The following MACROD2 variants were observed in gnomAD, a reference collection of about 807,000 sequenced individuals.
MACROD2 encodes mono-ADP ribosylhydrolase 2, also known as ADP-ribose glycohydrolase MACROD2.
In MACROD2, 36 loss-of-function variants were observed where a neutral mutation model predicts 70.4. The ratio of observed to expected loss-of-function variants is 0.51; its 90% confidence interval spans 0.39 to 0.68. The LOEUF (loss-of-function observed/expected upper bound fraction) is 0.68. Ranked by LOEUF, MACROD2 falls within the 30% of genes least tolerant of loss-of-function variation. MACROD2 has a pLI of 0.00. For synonymous variants in MACROD2, 172 were observed against 178.8 expected, an observed-to-expected ratio of 0.96 and a Z score of 0.30; for missense variants, 496 against 538.4, an observed-to-expected ratio of 0.92 and a Z score of 0.78.
Position 14,608,106 on chromosome 20 carries a change from A to T in MACROD2, c.302-76737A>T, listed in dbSNP as rs185976687. Reference sequence around the variant, plus strand: ...CGTCTCTACTAAAAATACAAAAAAAATTAGCTGGGTATAGTGGCAGGCACC... The same window carrying T: ...CGTCTCTACTAAAAATACAAAAAAATTTAGCTGGGTATAGTGGCAGGCACC... On this transcript the variant is annotated intron_variant, in intron 4 of 17. Coordinates refer to ENST00000684519, the MANE Select transcript of MACROD2 (RefSeq NM_001351661.2). 4.8e-3 allele frequency among the ~76,000 whole-genome samples: 732 copies of T among 152,088 alleles called. 4 individuals carry two copies. The highest frequency in any genetic ancestry group is 8.1e-3 in the Non-Finnish European group (550 of 67,978).
intron 6 of MACROD2, among the ~76,000 whole-genome samples, chr20:15,234,010 TTC>T (rs1488314935): frequency 8.2e-4 from 35 of 42,466 alleles, no homozygotes; most frequent in Non-Finnish European, 1.2e-3. Context: ...TATATATATA[TTC>T]TTTTTTTTTT....
intron 5 of MACROD2, among the ~76,000 whole-genome samples, chr20:15,043,665 A>G (rs904959072): frequency 3.3e-5 from 5 of 151,996 alleles, no homozygotes; most frequent in Admixed American, 2.6e-4. Flanking sequence ...AGCTCTTTTC[A>G]TTCACTGTGC....
chr20:14,192,024 T>C (rs1322111952), intron 3 of MACROD2, among the ~76,000 whole-genome samples: 7 of 152,112 alleles, frequency 4.6e-5, no homozygotes, highest in Admixed American at 4.6e-4. Flanking sequence ...TTGATTAAGC[T>C]ATTGGTTGTA....
intron 6 of MACROD2, among the ~76,000 whole-genome samples, chr20:15,280,099 T>C (rs1424756079): frequency 6.6e-6 from 1 of 152,228 alleles, no homozygotes; most frequent in Non-Finnish European, 1.5e-5. Context: ...ATAAAATGTG[T>C]CAGTGTTAAC....
chr20:15,273,951 A>G (rs150181906), intron 6 of MACROD2, among the ~76,000 whole-genome samples: 269 of 152,334 alleles, frequency 1.8e-3, no homozygotes, highest in African/African-American at 6.2e-3. Flanking sequence ...AGTACTTATC[A>G]CAGTGGTTTG....
chr20:14,654,715 G>C (rs1316078837), intron 4 of MACROD2, among the ~76,000 whole-genome samples: 1 of 152,060 alleles, frequency 6.6e-6, no homozygotes, highest in Non-Finnish European at 1.5e-5. Flanking sequence ...AAAAATAAAA[G>C]CAGAATTTTA....
At chr20:14,238,820 A>G (rs1215434657) in intron 3 of MACROD2, among the ~76,000 whole-genome samples, 1 of 151,958 alleles carries the variant, frequency 6.6e-6, no homozygotes, top group African/African-American at 2.4e-5. Flanking sequence ...TTAGGTCAGG[A>G]GTTCAAGACC....
rs1311404207 is a variant in MACROD2, at chr20:14,186,017, A to G, written c.271+100289A>G. On this transcript the variant is annotated intron_variant, in intron 3 of 17. Transcript: ENST00000684519. ...CAAGCCTAGTACATAGGCATGTGCT[A>G]TCTTCTTACCAGCCTTTCTTCCCCA... 3.3e-5 allele frequency among the ~76,000 whole-genome samples: 5 copies of G among 152,148 alleles called. No individual in the cohort carries two copies. In the East Asian group the frequency reaches 5.8e-4, roughly 18 times the overall value.
chr20:14,075,990 T>C (rs1054704408), intron 2 of MACROD2, among the ~76,000 whole-genome samples: 2 of 152,028 alleles, frequency 1.3e-5, no homozygotes, highest in African/African-American at 2.4e-5. Context: ...ATAAATATTA[T>C]TAAAAAACAT....
intron 5 of MACROD2, among the ~76,000 whole-genome samples, chr20:14,783,442 G>A (rs779128982): frequency 1.3e-5 from 2 of 152,080 alleles, no homozygotes; most frequent in Non-Finnish European, 2.9e-5. Flanking sequence ...TCTCTGCTCA[G>A]CATAACTTAT....
rs138246558 is a variant in MACROD2, at chr20:15,090,129, C to A, written c.419-139811C>A. 2.6e-5 allele frequency among the ~76,000 whole-genome samples: 4 copies of A among 151,968 alleles called. No homozygotes were observed. The East Asian group carries it at 7.7e-4, about 29-fold the overall frequency. ...AGGAGATGATATTTATGTATAAATT[C>A]TCAAAGATATATGTTGACCTGCTAC... On this transcript the variant is annotated intron_variant, in intron 5 of 17. Coordinates refer to ENST00000684519, the MANE Select transcript of MACROD2 (RefSeq NM_001351661.2).
At chr20:14,686,974 T>G (rs542727202) in intron 5 of MACROD2, among the ~76,000 whole-genome samples, 1 of 152,246 alleles carries the variant, frequency 6.6e-6, no homozygotes, top group Admixed American at 6.5e-5. Context: ...GCAGTTCTCT[T>G]TGTAACTCAG....
At chr20:14,865,502 A>G (rs1427503578) in intron 5 of MACROD2, among the ~76,000 whole-genome samples, 2 of 151,862 alleles carry the variant, frequency 1.3e-5, no homozygotes, top group African/African-American at 2.4e-5. Context: ...TGAAATTTCC[A>G]TTTAAATACC....
At chr20:15,324,328 T>G (rs1300541125) in intron 6 of MACROD2, among the ~76,000 whole-genome samples, 2 of 152,154 alleles carry the variant, frequency 1.3e-5, no homozygotes, top group East Asian at 3.9e-4. Flanking sequence ...TTTGATTGTA[T>G]ACATGCTCAT....
In MACROD2 at chr20:14,855,597, G is replaced by GTTTT. The variant is rs71190156; in HGVS notation, c.418+170665_418+170668dup. On this transcript the variant is annotated intron_variant, in intron 5 of 17. Transcript: ENST00000684519. The stretch of plus-strand genomic sequence containing the variant: ...TTCAGAATTTTAGTGATCCTACCAA[G>GTTTT]TTTTTTTTTTTTTTTTTTTTTTTTT... 4.8e-3 allele frequency among the ~76,000 whole-genome samples: 373 copies of GTTTT among 77,218 alleles called. 40 individuals carry two copies. Among genetic ancestry groups the GTTTT allele is most frequent in the East Asian group, 0.015 (28 of 1,812 alleles). The allele number at this position is 77,218 out of a possible 152,430, so 50.7% of individuals were successfully genotyped here.
intron 5 of MACROD2, among the ~76,000 whole-genome samples, chr20:14,915,858 G>T (rs547905572): frequency 6.6e-5 from 10 of 152,266 alleles, no homozygotes; most frequent in African/African-American, 2.4e-4. Context: ...TGATGAAGGA[G>T]CAGCTTCAGA....
chr20:14,062,933 C>T (rs962100646), intron 2 of MACROD2, among the ~76,000 whole-genome samples: 12 of 152,032 alleles, frequency 7.9e-5, no homozygotes, highest in Admixed American at 2.0e-4. Context: ...TGAACATTAC[C>T]TCTTATAGTC....
intron 8 of MACROD2, among the ~76,000 whole-genome samples, chr20:15,672,716 C>T (rs540293337): frequency 9.2e-5 from 14 of 152,254 alleles, no homozygotes; most frequent in East Asian, 1.9e-4. Flanking sequence ...AGACAGAGGC[C>T]GTCTGCCCTT....
intron 3 of MACROD2, among the ~76,000 whole-genome samples, chr20:14,426,396 G>A (rs148350039): frequency 6.6e-6 from 1 of 151,306 alleles, no homozygotes; most frequent in East Asian, 1.9e-4. Context: ...TTATCTCTCT[G>A]ATATTAATAA....
Sources: gnomAD v4.1 joint callset for allele counts (sites outside exome capture counted in the v4.1 genomes callset) on GRCh38, gnomAD v4.1.1 for gene constraint, MANE v1.5 for transcripts, NCBI Gene and HGNC (gene_info 2026-07-23, HGNC 2026-07-21) for gene names.